The following CNTNAP2 variants were observed in gnomAD, a reference collection of about 807,000 sequenced individuals.
CNTNAP2 encodes contactin-associated protein-like 2.
In CNTNAP2, 98 loss-of-function variants were observed where a neutral mutation model predicts 155.2. The observed-to-expected ratio is 0.63, with a 90% CI of 0.54 to 0.75. The LOEUF (loss-of-function observed/expected upper bound fraction) is 0.75. CNTNAP2 is among the 30% of genes least tolerant of loss of function. The pLI is 0.00. For synonymous variants in CNTNAP2, 651 were observed against 631.2 expected, an observed-to-expected ratio of 1.03 and a Z score of -0.47; for missense variants, 1,727 against 1,688.1, an observed-to-expected ratio of 1.02 and a Z score of -0.40.
chr7:146,679,300 T>G (rs1800458674), intron 1 of CNTNAP2, among the ~76,000 whole-genome samples: 1 of 151,212 alleles, frequency 6.6e-6, no homozygotes, highest in Admixed American at 6.6e-5. Flanking sequence ...CTAAGGATTA[T>G]GGCCTCTAGC....
At chr7:146,850,607 G>A (rs1794860585) in intron 3 of CNTNAP2, among the ~76,000 whole-genome samples, 1 of 152,102 alleles carries the variant, frequency 6.6e-6, no homozygotes, top group Non-Finnish European at 1.5e-5. Context: ...GAGGATTAGA[G>A]AAAGTACAAC....
chr7:147,943,866 A>T (rs1800773152), intron 14 of CNTNAP2, among the ~76,000 whole-genome samples: 1 of 151,074 alleles, frequency 6.6e-6, no homozygotes, highest in African/African-American at 2.4e-5. Flanking sequence ...TGCTCATAAT[A>T]TTGAACAAAA....
At chr7:148,121,513 A>G (rs773335739) in intron 16 of CNTNAP2, among the ~76,000 whole-genome samples, 17 of 152,310 alleles carry the variant, frequency 1.1e-4, no homozygotes, top group Admixed American at 2.0e-4. Flanking sequence ...TAAACTCTTT[A>G]GAACTGTCTC....
intron 15 of CNTNAP2, among the ~76,000 whole-genome samples, chr7:148,107,793 T>C (rs922385610): frequency 6.6e-6 from 1 of 152,186 alleles, no homozygotes; most frequent in Non-Finnish European, 1.5e-5. Flanking sequence ...ACTAATAATT[T>C]TCAGAGTAAT....
intron 1 of CNTNAP2, among the ~76,000 whole-genome samples, chr7:146,709,981 G>T (rs969361517): frequency 2.0e-5 from 3 of 152,134 alleles, no homozygotes; most frequent in Non-Finnish European, 2.9e-5. Context: ...TTTCACAATC[G>T]ATTAGGAGCT....
chr7:146,912,927 C>T (rs977075133), intron 3 of CNTNAP2, among the ~76,000 whole-genome samples: 12 of 152,010 alleles, frequency 7.9e-5, no homozygotes, highest in Admixed American at 2.0e-4. Context: ...ATATGTTATA[C>T]GACAAGTAAA....
intron 1 of CNTNAP2, among the ~76,000 whole-genome samples, chr7:146,717,760 GT>G (rs112717897): frequency 4.1e-4 from 62 of 151,294 alleles, no homozygotes; most frequent in Non-Finnish European, 8.1e-4. Context: ...ATTAATTGAG[GT>G]TTTTTTTTGT....
intron 15 of CNTNAP2, among the ~76,000 whole-genome samples, chr7:148,069,100 T>A (rs552118540): frequency 6.6e-6 from 1 of 152,314 alleles, no homozygotes; most frequent in Admixed American, 6.5e-5. Context: ...CTCTCAGACA[T>A]AACTGCCCTG....
chr7:148,019,471 G>GT (rs1424597343), intron 15 of CNTNAP2, among the ~76,000 whole-genome samples: 2 of 151,540 alleles, frequency 1.3e-5, no homozygotes, highest in Non-Finnish European at 2.9e-5. Context: ...GTTTTGTTTT[G>GT]TTTTTTGAGA....
intron 1 of CNTNAP2, among the ~76,000 whole-genome samples, chr7:146,229,739 A>T (rs181772775): frequency 1.6e-3 from 235 of 148,016 alleles, no homozygotes; most frequent in African/African-American, 5.9e-3. Flanking sequence ...TTTTCTTATT[A>T]AAAAAATCTC....
intron 11 of CNTNAP2, among the ~76,000 whole-genome samples, chr7:147,513,200 A>G (rs1238012666): frequency 1.3e-5 from 2 of 152,208 alleles, no homozygotes; most frequent in African/African-American, 4.8e-5. Flanking sequence ...TTTGGTAAAG[A>G]GAAACTAAAG....
In CNTNAP2 at chr7:146,847,991, T is replaced by C. The variant is rs116032828; in HGVS notation, c.402+8087T>C. 4.1e-3 allele frequency among the ~76,000 whole-genome samples: 622 copies of C among 152,294 alleles called. 1 individual carries two copies. Among genetic ancestry groups the C allele is most frequent in the African/African-American group, 0.014 (568 of 41,558 alleles). ...TCTACAGTACTTCTCTGTGTCTTCT[T>C]AGGCCAACTGAAAAGGGTAGGATAA... is the stretch of plus-strand genomic sequence containing the variant. On this transcript the variant is annotated intron_variant, in intron 3 of 23. Coordinates refer to ENST00000361727, the MANE Select transcript of CNTNAP2 (RefSeq NM_014141.6).
At chr7:146,664,578 C>CA (rs1800155026) in intron 1 of CNTNAP2, among the ~76,000 whole-genome samples, 1 of 152,164 alleles carries the variant, frequency 6.6e-6, no homozygotes. Flanking sequence ...TTTTTGTATT[C>CA]ATATTCATGA....
chr7:147,144,413 C>T (rs1351728987), intron 8 of CNTNAP2, among the ~76,000 whole-genome samples: 1 of 152,174 alleles, frequency 6.6e-6, no homozygotes, highest in Non-Finnish European at 1.5e-5. Context: ...ACACTTTGTT[C>T]AGCTATGGTT....
chr7:148,182,686 T>A (rs746458020), intron 18 of CNTNAP2, among the ~76,000 whole-genome samples: 1 of 152,230 alleles, frequency 6.6e-6, no homozygotes, highest in Admixed American at 6.5e-5. Context: ...TTTAGATAAA[T>A]AGGCATTTTA....
intron 1 of CNTNAP2, among the ~76,000 whole-genome samples, chr7:146,275,582 G>A (rs1800151434): frequency 2.6e-5 from 4 of 152,148 alleles, no homozygotes; most frequent in Admixed American, 2.0e-4. Flanking sequence ...TGTGTGGGGT[G>A]TGTTCACAAA....
chr7:147,179,008 T>A (rs1460048950), intron 8 of CNTNAP2, among the ~76,000 whole-genome samples: 1 of 152,132 alleles, frequency 6.6e-6, no homozygotes, highest in Non-Finnish European at 1.5e-5. Flanking sequence ...GTTCAGGGGC[T>A]AGCTGAGCAC....
At chr7:146,218,419 G>A (rs946084799) in intron 1 of CNTNAP2, among the ~76,000 whole-genome samples, 1 of 152,126 alleles carries the variant, frequency 6.6e-6, no homozygotes, top group East Asian at 1.9e-4. Context: ...TGAGGCAGGA[G>A]AATGGCGTGA....
chr7:147,152,651 A>G (rs1801850348), intron 8 of CNTNAP2, among the ~76,000 whole-genome samples: 1 of 152,150 alleles, frequency 6.6e-6, no homozygotes, highest in South Asian at 2.1e-4. Context: ...ATAAAGGAAC[A>G]TTTAGCTTAT....
Sources: allele counts gnomAD v4.1 joint callset (sites outside exome capture counted in the v4.1 genomes callset), GRCh38; gene constraint gnomAD v4.1.1; transcripts MANE v1.5; gene names NCBI Gene and HGNC (gene_info 2026-07-23, HGNC 2026-07-21).